The following CHSY1 variants were observed in gnomAD, a reference collection of about 807,000 sequenced individuals.
CHSY1 encodes chondroitin sulfate synthase 1, also known as N-acetylgalactosaminyl-proteoglycan 3-beta-glucuronosyltransferase 1.
Under a neutral mutation model 59.8 loss-of-function variants are expected in CHSY1, and 13 were observed. The ratio of observed to expected loss-of-function variants is 0.22; its 90% CI spans 0.14 to 0.35. The LOEUF (loss-of-function observed/expected upper bound fraction) is 0.35. CHSY1 is among the 10% of genes least tolerant of loss of function. The pLI is 1.00. For synonymous variants in CHSY1, 459 were observed against 401.2 expected (o/e 1.14, Z -1.72); for missense variants, 947 against 1,030.6 (o/e 0.92, Z 1.11).
chr15:101,207,914 G>A (rs997033409), intron 2 of CHSY1, among the ~76,000 whole-genome samples: 2 of 152,220 alleles, frequency 1.3e-5, no homozygotes, highest in African/African-American at 4.8e-5. Context: ...GTGGGCTGGT[G>A]CAGTGGCCCA....
At position 101,176,036 on chromosome 15, in the gene CHSY1, T is replaced by C. The variant is rs955900699; in HGVS notation, c.*1352A>G. Reference sequence around the variant, plus strand: ...CCAAAACACATGAGCACCAAAATTGTCAAAGAACACTTAATATTTAGTAAA... The same window carrying C: ...CCAAAACACATGAGCACCAAAATTGCCAAAGAACACTTAATATTTAGTAAA... On this transcript the variant is annotated 3_prime_UTR_variant, in exon 3 of 3. Transcript: ENST00000254190. The C allele has an allele frequency of 1.9e-5, 7 of 373,626 alleles. No individual in the cohort carries two copies. Among genetic ancestry groups the C allele is most frequent in the Non-Finnish European group, 2.8e-5 (6 of 211,348 alleles). The allele number at this position is 373,626 out of a possible 1,614,324, so 23.1% of individuals were successfully genotyped here. A position where few individuals can be genotyped will look rare whatever the true frequency, so the allele number is the denominator to read the frequency against.
At chr15:101,198,131 G>C (rs1186088116) in intron 2 of CHSY1, among the ~76,000 whole-genome samples, 2 of 152,074 alleles carry the variant, frequency 1.3e-5, no homozygotes, top group Admixed American at 1.3e-4. Flanking sequence ...GAGTGTGAGT[G>C]AGAGACCCGC....
intron 2 of CHSY1, among the ~76,000 whole-genome samples, chr15:101,219,994 T>A (rs1182583865): frequency 3.3e-5 from 5 of 152,208 alleles, no homozygotes; most frequent in Non-Finnish European, 7.3e-5. Flanking sequence ...CCTCAGGGGA[T>A]CCGCCTGCCT....
Position 101,235,533 on chromosome 15 carries a change from C to A in CHSY1, c.365G>T (p.Ser122Ile). Reference protein sequence around the residue: ...TIPGKVQFFSSEGSDTSVPIP... With the variant: ...TIPGKVQFFSIEGSDTSVPIP... ...TGGTACAGATGTGTCAGAACCCTCACTTGAGAAGAACTGAACTTTCCCAGG... is the reference window on the plus strand; with the variant it reads ...TGGTACAGATGTGTCAGAACCCTCAATTGAGAAGAACTGAACTTTCCCAGG... Residue 122 changes from serine (S) to isoleucine (I), a missense_variant, in exon 2 of 3, where the codon AGT (serine) becomes ATT (isoleucine). Around this residue, in one of 4 missense-constraint regions of CHSY1, gnomAD observed 232 missense variants for 188.5 expected, o/e 1.23. Coordinates refer to ENST00000254190, the MANE Select transcript of CHSY1 (RefSeq NM_014918.5). The A allele has an allele frequency of 1.2e-6, 2 of 1,613,324 alleles. No individual in the cohort carries two copies. The highest frequency in any genetic ancestry group is 1.7e-6 in the Non-Finnish European group (2 of 1,179,990).
intron 2 of CHSY1, among the ~76,000 whole-genome samples, chr15:101,182,775 A>G (rs1354620090): frequency 6.6e-6 from 1 of 152,236 alleles, no homozygotes; most frequent in Non-Finnish European, 1.5e-5. Context: ...TCATTACAGC[A>G]AAGACACTAG....
At chr15:101,204,469 AATG>A (rs1194911170) in intron 2 of CHSY1, among the ~76,000 whole-genome samples, 5 of 142,312 alleles carry the variant, frequency 3.5e-5, no homozygotes, top group Non-Finnish European at 6.1e-5. Context: ...TAATAATAAT[AATG>A]TACACTTATA....
chr15:101,193,241 C>T (rs781231889), intron 2 of CHSY1, among the ~76,000 whole-genome samples: 5 of 152,286 alleles, frequency 3.3e-5, no homozygotes, highest in African/African-American at 9.6e-5. Context: ...GTGTGTCAGA[C>T]GGGGATGAGA....
chr15:101,230,786 G>T (rs1437523031), intron 2 of CHSY1, among the ~76,000 whole-genome samples: 1 of 152,106 alleles, frequency 6.6e-6, no homozygotes, highest in East Asian at 1.9e-4. Context: ...CAGTATCACA[G>T]GTTTCATATT....
chr15:101,229,759 T>C (rs1010398581), intron 2 of CHSY1, among the ~76,000 whole-genome samples: 2 of 151,662 alleles, frequency 1.3e-5, no homozygotes, highest in Non-Finnish European at 2.9e-5. Flanking sequence ...ATACAAAATT[T>C]AGCTGGGCAT....
chr15:101,226,159 T>C (rs2038839743), intron 2 of CHSY1, among the ~76,000 whole-genome samples: 1 of 152,234 alleles, frequency 6.6e-6, no homozygotes, highest in African/African-American at 2.4e-5. Context: ...ACAATGTTAC[T>C]ACAAAGCATA....
intron 2 of CHSY1, among the ~76,000 whole-genome samples, chr15:101,232,638 A>G (rs375863612): frequency 1.4e-4 from 21 of 152,258 alleles, no homozygotes; most frequent in East Asian, 5.8e-4. Context: ...ATTAGATTGC[A>G]CTTAGATTCA....
Position 101,215,228 on chromosome 15 carries a change from T to C in CHSY1, c.816+19854A>G, listed in dbSNP as rs142272857. Among the ~76,000 whole-genome samples, 6 of 152,322 alleles carry C rather than the reference T, an allele frequency of 3.9e-5. No homozygotes were observed. In the East Asian group the frequency reaches 1.2e-3, roughly 29 times the overall value. On this transcript the variant is annotated intron_variant, in intron 2 of 2. Coordinates refer to ENST00000254190, the MANE Select transcript of CHSY1 (RefSeq NM_014918.5). ...GCAATGTGAGAACCAACACAATGTG[T>C]AAAGATCTGAGAATAGTAGATAAAG... is the stretch of plus-strand genomic sequence containing the variant.
chr15:101,216,831 A>G (rs143020945), intron 2 of CHSY1, among the ~76,000 whole-genome samples: 192 of 152,342 alleles, frequency 1.3e-3, no homozygotes, highest in Non-Finnish European at 2.1e-3. Context: ...TGCATTTGTC[A>G]AAACCCATGA....
At chr15:101,198,897 C>G (rs1376764566) in intron 2 of CHSY1, among the ~76,000 whole-genome samples, 4 of 152,246 alleles carry the variant, frequency 2.6e-5, no homozygotes, top group African/African-American at 9.6e-5. Flanking sequence ...CCCGCCAACC[C>G]TTTACACAGC....
At chr15:101,248,961 T>A (rs1372968654) in intron 1 of CHSY1, among the ~76,000 whole-genome samples, 10 of 149,758 alleles carry the variant, frequency 6.7e-5, no homozygotes, top group Non-Finnish European at 1.3e-4. Context: ...TAATTTTTTT[T>A]TTTTTTTTTT....
At position 101,206,550 on chromosome 15, in the gene CHSY1, G is replaced by C. The variant is rs528746713; in HGVS notation, c.817-27570C>G. 7.2e-5 allele frequency among the ~76,000 whole-genome samples: 11 copies of C among 152,018 alleles called. No individual in the cohort carries two copies. In the South Asian group the frequency reaches 2.1e-3, roughly 29 times the overall value. The stretch of plus-strand genomic sequence containing the variant: ...ACACTTTGGAAAGAAGCTTTTATGT[G>C]GGCTCACTTTATACAAATAACACTT... On this transcript the variant is annotated intron_variant, in intron 2 of 2. Coordinates refer to ENST00000254190, the MANE Select transcript of CHSY1 (RefSeq NM_014918.5).
chr15:101,219,425 A>T (rs949938835), intron 2 of CHSY1, among the ~76,000 whole-genome samples: 2 of 152,254 alleles, frequency 1.3e-5, no homozygotes, highest in African/African-American at 4.8e-5. Context: ...GGTATAAAGC[A>T]GCTTCACGAG....
chr15:101,181,145 G>A (rs191331725), intron 2 of CHSY1, among the ~76,000 whole-genome samples: 1 of 152,170 alleles, frequency 6.6e-6, no homozygotes, highest in Non-Finnish European at 1.5e-5. Flanking sequence ...TTTGTAACGT[G>A]ACTTAAGTAA....
chr15:101,224,028 G>T (rs2141268395), intron 2 of CHSY1, among the ~76,000 whole-genome samples: 1 of 152,300 alleles, frequency 6.6e-6, no homozygotes, highest in Admixed American at 6.5e-5. Flanking sequence ...ACTTACCATT[G>T]TCTTACAGTT....
Sources: allele counts gnomAD v4.1 joint callset (sites outside exome capture counted in the v4.1 genomes callset), GRCh38; gene constraint gnomAD v4.1.1; regional missense constraint gnomAD v4.1.1; transcripts MANE v1.5; gene names NCBI Gene and HGNC (gene_info 2026-07-23, HGNC 2026-07-21).